The following KCNIP4 variants were observed in gnomAD, a reference collection of about 807,000 sequenced individuals.
KCNIP4 encodes Kv channel-interacting protein 4.
A neutral mutation model predicts 34.0 loss-of-function variants in KCNIP4; 12 were observed. The observed-to-expected ratio is 0.35, with a 90% CI of 0.23 to 0.57. The LOEUF is 0.57. Among genes scored for constraint, KCNIP4 ranks in the 20% least tolerant of loss-of-function variants. KCNIP4 has a pLI of 0.83. For missense variants in KCNIP4, 238 were observed against 311.7 expected (o/e 0.76, Z 1.78); for synonymous variants, 124 against 102.2 (o/e 1.21, Z -1.29).
chr4:20,952,188 A>G (rs1269806864), intron 1 of KCNIP4, among the ~76,000 whole-genome samples: 1 of 152,188 alleles, frequency 6.6e-6, no homozygotes, highest in Non-Finnish European at 1.5e-5. Context: ...CAAGAGATTG[A>G]TATAATATTA....
chr4:21,848,322 G>T (rs976713832), intron 1 of KCNIP4: 1 of 152,188 alleles, frequency 6.6e-6, no homozygotes, highest in Non-Finnish European at 1.5e-5. Flanking sequence ...AAAGCAGACA[G>T]AACACACAGC....
chr4:21,489,910 GA>G (rs1431086734), intron 1 of KCNIP4, among the ~76,000 whole-genome samples: 2 of 151,954 alleles, frequency 1.3e-5, no homozygotes, highest in African/African-American at 4.8e-5. Context: ...TTGATTTGAA[GA>G]AAAAGTGAAC....
intron 1 of KCNIP4, among the ~76,000 whole-genome samples, chr4:21,154,975 CT>C (rs1228137559): frequency 2.6e-5 from 4 of 152,214 alleles, no homozygotes; most frequent in African/African-American, 9.7e-5. Flanking sequence ...CACACTTGCT[CT>C]CTTTCATATT....
chr4:21,787,599 G>C (rs1719996069), intron 1 of KCNIP4, among the ~76,000 whole-genome samples: 2 of 152,140 alleles, frequency 1.3e-5, no homozygotes, highest in African/African-American at 4.8e-5. Context: ...TTTACACATA[G>C]TCCTTGCACA....
intron 1 of KCNIP4, among the ~76,000 whole-genome samples, chr4:21,049,885 A>G (rs926604525): frequency 6.6e-6 from 1 of 152,190 alleles, no homozygotes; most frequent in Non-Finnish European, 1.5e-5. Context: ...TTAAAAACCC[A>G]ATCTTTCACT....
intron 1 of KCNIP4, among the ~76,000 whole-genome samples, chr4:21,591,891 A>C (rs1331280227): frequency 1.3e-5 from 2 of 152,110 alleles, no homozygotes; most frequent in Non-Finnish European, 2.9e-5. Context: ...TATATGAAGA[A>C]AAGGAATTAA....
At chr4:21,110,765 G>A (rs1749095444) in intron 1 of KCNIP4, among the ~76,000 whole-genome samples, 1 of 152,138 alleles carries the variant, frequency 6.6e-6, no homozygotes, top group African/African-American at 2.4e-5. Context: ...CACCATGTGA[G>A]GACACAACAA....
chr4:20,894,094 T>C (rs1026222136), intron 1 of KCNIP4, among the ~76,000 whole-genome samples: 3 of 152,126 alleles, frequency 2.0e-5, no homozygotes, highest in Admixed American at 2.0e-4. Flanking sequence ...TTGGCCAGGC[T>C]GGTCTTAAAC....
chr4:21,729,509 C>A (rs13107513), intron 1 of KCNIP4, among the ~76,000 whole-genome samples: 2 of 151,864 alleles, frequency 1.3e-5, no homozygotes, highest in Non-Finnish European at 2.9e-5. Flanking sequence ...TGTCCTTTCA[C>A]ATAAATGCAC....
intron 1 of KCNIP4, among the ~76,000 whole-genome samples, chr4:21,154,269 G>A (rs1752981517): frequency 6.6e-6 from 1 of 152,138 alleles, no homozygotes; most frequent in Admixed American, 6.5e-5. Flanking sequence ...CACATTGTAT[G>A]CTTGTATCAA....
rs556369537 is a variant in KCNIP4, at chr4:21,285,454, G to T, written c.62-402745C>A. 2.6e-5 allele frequency among the ~76,000 whole-genome samples: 4 copies of T among 152,096 alleles called. No homozygotes were observed. In the East Asian group the frequency reaches 5.8e-4, roughly 22 times the overall value. ...TTTTATCAGAGATAAAACCATAAAG[G>T]CAAGAAAAATTTGATGTTAGGAAGC... On this transcript the variant is annotated intron_variant, in intron 1 of 8. Coordinates refer to ENST00000382152, the MANE Select transcript of KCNIP4 (RefSeq NM_025221.6).
intron 3 of KCNIP4, among the ~76,000 whole-genome samples, chr4:20,843,115 C>T (rs1719946047): frequency 6.6e-6 from 1 of 151,980 alleles, no homozygotes; most frequent in Non-Finnish European, 1.5e-5. Flanking sequence ...GCCATGTTGG[C>T]CAAGCTGGTC....
intron 1 of KCNIP4, among the ~76,000 whole-genome samples, chr4:20,937,664 C>T (rs188289614): frequency 1.3e-5 from 2 of 152,224 alleles, no homozygotes; most frequent in East Asian, 3.9e-4. Flanking sequence ...AAGAAGAAAG[C>T]ACCAAAACCT....
chr4:21,679,246 A>G (rs1750154598), intron 1 of KCNIP4, among the ~76,000 whole-genome samples: 1 of 152,124 alleles, frequency 6.6e-6, no homozygotes, highest in Admixed American at 6.6e-5. Flanking sequence ...GACTTATCCT[A>G]TTGTATATTT....
chr4:21,074,701 G>T (rs1379035969), intron 1 of KCNIP4, among the ~76,000 whole-genome samples: 1 of 152,040 alleles, frequency 6.6e-6, no homozygotes, highest in Non-Finnish European at 1.5e-5. Flanking sequence ...GTTTGCTCTT[G>T]CTTCCCTAGT....
intron 1 of KCNIP4, among the ~76,000 whole-genome samples, chr4:21,291,880 AAAG>A (rs1763519328): frequency 1.5e-4 from 4 of 26,118 alleles, no homozygotes; most frequent in Non-Finnish European, 2.1e-4. Context: ...AGAAAGAAAG[AAAG>A]AAAGAAAGAA....
chr4:21,583,584 T>A (rs961523741), intron 1 of KCNIP4, among the ~76,000 whole-genome samples: 1 of 152,024 alleles, frequency 6.6e-6, no homozygotes, highest in African/African-American at 2.4e-5. Context: ...TTAGGGAAAA[T>A]GTTTTAACAT....
intron 8 of KCNIP4, 57 bp downstream of exon 8, chr4:20,731,949 A>G (rs1748371255): frequency 3.1e-6 from 5 of 1,603,646 alleles, no homozygotes; most frequent in Non-Finnish European, 4.3e-6. Flanking sequence ...AGCTGCTAAT[A>G]CTCAGTTTAG....
rs575903480 is a variant in KCNIP4 at position 21,166,076 on chromosome 4, C to T, written c.62-283367G>A. ...CCTTGATCTTAGACTTTTCAACCTC[C>T]AGAACTGTGAGCAATATATTTATGC... On this transcript the variant is annotated intron_variant, in intron 1 of 8. Coordinates refer to ENST00000382152, the MANE Select transcript of KCNIP4 (RefSeq NM_025221.6). Among the ~76,000 whole-genome samples the T allele has an allele frequency of 9.9e-5, 15 of 152,250 alleles. No individual in the cohort carries two copies. In the South Asian group the frequency reaches 2.9e-3, roughly 29 times the overall value.
Sources: allele counts gnomAD v4.1 joint callset (sites outside exome capture counted in the v4.1 genomes callset), GRCh38; gene constraint gnomAD v4.1.1; transcripts MANE v1.5; gene names NCBI Gene and HGNC (gene_info 2026-07-23, HGNC 2026-07-21).